Variants in LRBA observed in about 807,000 individuals in gnomAD.
LRBA encodes LPS responsive beige-like anchor protein.
LRBA carries 176 observed loss-of-function variants against 330.0 expected under a neutral mutation model. The observed-to-expected ratio is 0.53, with a 90% confidence interval of 0.47 to 0.60. LRBA has a LOEUF of 0.60. Ranked by LOEUF, LRBA falls within the 20% of genes least tolerant of loss-of-function variation. The pLI is 0.00. For missense variants in LRBA, 3,259 were observed against 3,444.8 expected (o/e 0.95, Z 1.35); for synonymous variants, 1,230 against 1,193.0 (o/e 1.03, Z -0.64).
At chr4:150,878,883 A>G (rs1281702793) in intron 17 of LRBA, among the ~76,000 whole-genome samples, 1 of 141,222 alleles carries the variant, frequency 7.1e-6, no homozygotes, top group African/African-American at 2.6e-5. Flanking sequence ...TTTTTTGGTT[A>G]CCTACTAACC....
chr4:150,276,068 C>G (rs1720572228), intron 56 of LRBA, among the ~76,000 whole-genome samples: 1 of 152,188 alleles, frequency 6.6e-6, no homozygotes, highest in Admixed American at 6.5e-5. Context: ...CAGCATGGTA[C>G]TGGTACCAAA....
intron 30 of LRBA, among the ~76,000 whole-genome samples, chr4:150,825,516 G>A (rs1039830223): frequency 7.9e-5 from 12 of 151,982 alleles, no homozygotes; most frequent in Non-Finnish European, 1.5e-4. Flanking sequence ...ACAGGCACCC[G>A]CCACCACGCG....
intron 34 of LRBA, among the ~76,000 whole-genome samples, chr4:150,776,551 C>T (rs908489264): frequency 3.9e-5 from 6 of 152,106 alleles, no homozygotes; most frequent in South Asian, 2.1e-4. Flanking sequence ...CACTGGCTCA[C>T]GCATGTAATC....
At chr4:150,771,719 A>C (rs1029084954) in intron 34 of LRBA, among the ~76,000 whole-genome samples, 10 of 152,094 alleles carry the variant, frequency 6.6e-5, no homozygotes, top group Non-Finnish European at 1.5e-4. Flanking sequence ...CAGATTTGAC[A>C]CTCAGCAGTG....
intron 37 of LRBA, among the ~76,000 whole-genome samples, chr4:150,643,859 A>C (rs776947832): frequency 6.6e-6 from 1 of 151,938 alleles, no homozygotes; most frequent in Non-Finnish European, 1.5e-5. Flanking sequence ...TCCATGAATA[A>C]ATTTTTATTG....
chr4:150,952,315 C>T (rs1463995236), intron 2 of LRBA, among the ~76,000 whole-genome samples: 1 of 151,940 alleles, frequency 6.6e-6, no homozygotes, highest in Non-Finnish European at 1.5e-5. Context: ...CAAATGAAGA[C>T]AGATGCTGAT....
At chr4:150,515,717 A>AAT (rs767327693) in intron 40 of LRBA, among the ~76,000 whole-genome samples, 5 of 152,138 alleles carry the variant, frequency 3.3e-5, no homozygotes, top group Non-Finnish European at 5.9e-5. Flanking sequence ...GATTAACGGA[A>AAT]ATATATATAA....
At chr4:150,590,913 CAGAGGGGT>C in intron 38 of LRBA, 54 bp from the exon 39 acceptor site, 1 of 1,582,922 alleles carries the variant, frequency 6.3e-7, no homozygotes, top group Non-Finnish European at 8.6e-7. Flanking sequence ...AGCACTTCGG[CAGAGGGGT>C]AGGGGCTTAG....
At chr4:150,654,698 C>G (rs994880451) in intron 37 of LRBA, among the ~76,000 whole-genome samples, 2 of 152,176 alleles carry the variant, frequency 1.3e-5, no homozygotes, top group Non-Finnish European at 2.9e-5. Flanking sequence ...ACCCCCTCCC[C>G]CTACCCAACA....
rs1465485505 is a variant in LRBA at position 150,297,962 on chromosome 4, AATAAT to A, written c.8017+4658_8017+4662del. Among the ~76,000 whole-genome samples, 5 of 152,314 alleles carry A rather than the reference AATAAT, an allele frequency of 3.3e-5. No homozygotes were observed. The East Asian group carries it at 9.6e-4, about 29-fold the overall frequency. ...CATACCTTGACATTTGTGACCCTTAAATAATATATCACAGGCAATTAAAAACAAAG... is the reference window on the plus strand; with the variant it reads ...CATACCTTGACATTTGTGACCCTTAAATATCACAGGCAATTAAAAACAAAG... On this transcript the variant is annotated intron_variant, in intron 53 of 56. Transcript: ENST00000651943.
chr4:151,003,426 A>G (rs1483695046), intron 2 of LRBA, among the ~76,000 whole-genome samples: 1 of 150,822 alleles, frequency 6.6e-6, no homozygotes, highest in Non-Finnish European at 1.5e-5. Context: ...AAATCCTAAA[A>G]CTCATATGGA....
At chr4:150,337,062 C>T (rs961732115) in intron 48 of LRBA, among the ~76,000 whole-genome samples, 2 of 152,100 alleles carry the variant, frequency 1.3e-5, no homozygotes, top group African/African-American at 4.8e-5. Context: ...GTTGAGAAAA[C>T]ACAGTAAAGG....
intron 2 of LRBA, among the ~76,000 whole-genome samples, chr4:150,994,999 T>C (rs1742484382): frequency 6.6e-6 from 1 of 151,328 alleles, no homozygotes; most frequent in Non-Finnish European, 1.5e-5. Flanking sequence ...CTAAACAAGG[T>C]GGGAAATCTG....
intron 2 of LRBA, among the ~76,000 whole-genome samples, chr4:150,981,639 G>A (rs1740847131): frequency 6.6e-6 from 1 of 151,850 alleles, no homozygotes; most frequent in African/African-American, 2.4e-5. Flanking sequence ...CAACTACAGT[G>A]AACTCAATTC....
At chr4:150,540,967 C>T (rs974672476) in intron 40 of LRBA, among the ~76,000 whole-genome samples, 1 of 152,130 alleles carries the variant, frequency 6.6e-6, no homozygotes, top group African/African-American at 2.4e-5. Flanking sequence ...ATAACCATTA[C>T]TGTCCTCAAA....
At position 150,350,093 on chromosome 4, in the gene LRBA, G is replaced by A. The variant is rs775992715; in HGVS notation, c.7261C>T (p.Gln2421Ter). ...GCTCGGACAGCTTCTGGTCCTTGCT[G>A]TTTATAGCCAAAAATGAGATCAATC... ...QWIDLIFGYK[Q>*]QGPEAVRALN... The change falls in exon 48 of 57, where the codon CAG (glutamine) becomes TAG (stop). Residue 2421 changes from glutamine to a stop codon, truncating the protein, a stop_gained. Coordinates refer to ENST00000651943, the MANE Select transcript of LRBA (RefSeq NM_001364905.1). LOFTEE classifies it high-confidence loss of function. The A allele has an allele frequency of 6.2e-7, 1 of 1,607,742 alleles. No individual in the cohort carries two copies. The highest frequency in any genetic ancestry group is 1.7e-5 in the Admixed American group (1 of 58,634).
chr4:150,343,478 A>C (rs979030060), intron 48 of LRBA, among the ~76,000 whole-genome samples: 4 of 152,226 alleles, frequency 2.6e-5, no homozygotes, highest in Admixed American at 6.5e-5. Context: ...ATCCTGAACA[A>C]AACGAATATT....
At chr4:150,879,120 A>G (rs189796678) in intron 17 of LRBA, among the ~76,000 whole-genome samples, 1 of 152,276 alleles carries the variant, frequency 6.6e-6, no homozygotes, top group African/African-American at 2.4e-5. Context: ...AAAAGTCCCC[A>G]ACAAAATACT....
At chr4:150,566,002 A>G (rs914574539) in intron 40 of LRBA, among the ~76,000 whole-genome samples, 1 of 151,370 alleles carries the variant, frequency 6.6e-6, no homozygotes, top group Admixed American at 6.6e-5. Context: ...CGAAGATAAG[A>G]GGATCACTTA....
Sources: gnomAD v4.1 joint callset for allele counts (sites outside exome capture counted in the v4.1 genomes callset) on GRCh38, gnomAD v4.1.1 for gene constraint, MANE v1.5 for transcripts, NCBI Gene and HGNC (gene_info 2026-07-23, HGNC 2026-07-21) for gene names.